PDE1A: variants seen among roughly 807,000 people sequenced by gnomAD.
PDE1A encodes phosphodiesterase 1A, also known as dual specificity calcium/calmodulin-dependent 3',5'-cyclic nucleotide phosphodiesterase 1A.
In PDE1A, 35 loss-of-function variants were observed where a neutral mutation model predicts 61.7. That is an observed-to-expected ratio of 0.57 (90% confidence interval 0.43 to 0.75). PDE1A has a LOEUF of 0.75. PDE1A is among the 30% of genes least tolerant of loss of function. The pLI is 0.00. For synonymous variants in PDE1A, 232 were observed against 213.2 expected, an observed-to-expected ratio of 1.09 and a Z score of -0.77; for missense variants, 597 against 630.6, an observed-to-expected ratio of 0.95 and a Z score of 0.57.
At chr2:182,615,404 T>G in the PDE1A span, among the ~76,000 whole-genome samples, 1 of 152,180 alleles carries the variant, frequency 6.6e-6, no homozygotes, top group African/African-American at 2.4e-5. Flanking sequence ...TATTTATATC[T>G]TATTAGAACA....
intron 1 of PDE1A, among the ~76,000 whole-genome samples, chr2:182,344,079 C>T (rs1178566112): frequency 2.0e-5 from 3 of 151,880 alleles, no homozygotes; most frequent in Non-Finnish European, 4.4e-5. Context: ...ATTATGTTGC[C>T]CAGGTTGGTC....
the PDE1A span, among the ~76,000 whole-genome samples, chr2:182,533,597 T>C: frequency 1.3e-5 from 2 of 152,116 alleles, no homozygotes; most frequent in Non-Finnish European, 2.9e-5. Flanking sequence ...GACTTGAAGT[T>C]GAAAAATCCA....
chr2:182,396,066 G>A (rs1335585503), intron 1 of PDE1A, among the ~76,000 whole-genome samples: 1 of 152,214 alleles, frequency 6.6e-6, no homozygotes, highest in Non-Finnish European at 1.5e-5. Context: ...AGTAAGTTAC[G>A]TGAGGAAGTG....
At chr2:182,500,557 T>C (rs1000259231) in intron 2 of PDE1A, among the ~76,000 whole-genome samples, 3 of 152,186 alleles carry the variant, frequency 2.0e-5, no homozygotes, top group African/African-American at 7.2e-5. Flanking sequence ...GTCCAAGAAT[T>C]GCAAGAATTA....
intron 2 of PDE1A, among the ~76,000 whole-genome samples, chr2:182,463,832 A>T (rs986476796): frequency 9.2e-5 from 14 of 152,214 alleles, no homozygotes; most frequent in African/African-American, 3.4e-4. Context: ...AATCATAGAC[A>T]AGTACAAGCT....
the PDE1A span, among the ~76,000 whole-genome samples, chr2:182,584,518 G>A: frequency 8.9e-4 from 136 of 152,312 alleles, 1 homozygote; most frequent in Non-Finnish European, 1.5e-3. Flanking sequence ...TCACTTGGAC[G>A]TCATGCTGTA....
chr2:182,668,842 A>ACTCT, the PDE1A span, among the ~76,000 whole-genome samples: 2 of 150,756 alleles, frequency 1.3e-5, no homozygotes, highest in Non-Finnish European at 3.0e-5. Context: ...CAGCAGCTTT[A>ACTCT]CTCTCTCTCT....
At chr2:182,526,999 T>G (rs1361348164), upstream of PDE1A, among the ~76,000 whole-genome samples, 2 of 151,836 alleles carry the variant, frequency 1.3e-5, no homozygotes. Context: ...TGTTTAAATT[T>G]TAAATAAATA....
intron 13 of PDE1A, among the ~76,000 whole-genome samples, chr2:182,154,196 T>A (rs999847329): frequency 9.2e-5 from 14 of 152,304 alleles, no homozygotes; most frequent in African/African-American, 3.4e-4. Context: ...AAACTTCAAT[T>A]GCCTTTAGTA....
At chr2:182,587,742 T>C in the PDE1A span, among the ~76,000 whole-genome samples, 1 of 152,222 alleles carries the variant, frequency 6.6e-6, no homozygotes, top group Non-Finnish European at 1.5e-5. Flanking sequence ...TAGAGTTCAC[T>C]GGGGAATTTC....
chr2:182,670,233 T>G, the PDE1A span, among the ~76,000 whole-genome samples: 7 of 152,138 alleles, frequency 4.6e-5, no homozygotes, highest in Admixed American at 1.3e-4. Context: ...CTACACCTGT[T>G]TAGAGAAAAA....
intron 8 of PDE1A, among the ~76,000 whole-genome samples, chr2:182,202,610 C>T (rs1374260138): frequency 6.6e-6 from 1 of 152,118 alleles, no homozygotes; most frequent in Non-Finnish European, 1.5e-5. Context: ...TGGACCACTC[C>T]TCTGTGCCAA....
intron 2 of PDE1A, among the ~76,000 whole-genome samples, chr2:182,489,528 G>A (rs1018286697): frequency 3.3e-5 from 5 of 152,116 alleles, no homozygotes; most frequent in African/African-American, 1.2e-4. Flanking sequence ...ACAGCAGCTC[G>A]GACCAGGGAG....
chr2:182,297,709 C>T (rs1345249451), intron 1 of PDE1A, among the ~76,000 whole-genome samples: 1 of 152,194 alleles, frequency 6.6e-6, no homozygotes, highest in African/African-American at 2.4e-5. Flanking sequence ...AGCTAAATCT[C>T]TACCTGAGAA....
intron 2 of PDE1A, among the ~76,000 whole-genome samples, chr2:182,495,126 A>G (rs1688632046): frequency 6.6e-6 from 1 of 152,190 alleles, no homozygotes; most frequent in Non-Finnish European, 1.5e-5. Flanking sequence ...CGTGGCCGGC[A>G]GAGGGACACG....
chr2:182,507,902 C>G (rs1014213358), intron 2 of PDE1A, among the ~76,000 whole-genome samples: 4 of 151,744 alleles, frequency 2.6e-5, no homozygotes, highest in Non-Finnish European at 1.5e-5. Flanking sequence ...TCTAAGAATG[C>G]TTGAAAAAAA....
At chr2:182,626,774 TATATATAC>T in the PDE1A span, among the ~76,000 whole-genome samples, 4 of 3,828 alleles carry the variant, frequency 1.0e-3, no homozygotes, top group Non-Finnish European at 1.3e-3. Context: ...TATATATACA[TATATATAC>T]ATATATATAC....
At chr2:182,384,458 A>AAATAATAACAAT in intron 1 of PDE1A, among the ~76,000 whole-genome samples, 1 of 141,916 alleles carries the variant, frequency 7.0e-6, no homozygotes, top group South Asian at 2.2e-4. Flanking sequence ...AATAAAGAGA[A>AAATAATAACAAT]AATAATAATA....
intron 2 of PDE1A, among the ~76,000 whole-genome samples, chr2:182,485,215 G>A (rs1687942436): frequency 6.6e-6 from 1 of 152,026 alleles, no homozygotes; most frequent in Non-Finnish European, 1.5e-5. Flanking sequence ...TCTTTTGCAG[G>A]AACACGGATG....
Sources: allele counts gnomAD v4.1 joint callset (sites outside exome capture counted in the v4.1 genomes callset), GRCh38; gene constraint gnomAD v4.1.1; transcripts MANE v1.5; gene names NCBI Gene and HGNC (gene_info 2026-07-23, HGNC 2026-07-21).